Variants in KCNAB1 observed in about 807,000 individuals in gnomAD.
KCNAB1 encodes the protein potassium voltage-gated channel subfamily A regulatory beta subunit 1.
A neutral mutation model predicts 64.6 loss-of-function variants in KCNAB1; 35 were observed. That is an observed-to-expected ratio of 0.54 (90% CI 0.41 to 0.72). The LOEUF (loss-of-function observed/expected upper bound fraction) is 0.72. Among genes scored for constraint, KCNAB1 ranks in the 30% least tolerant of loss-of-function variants. KCNAB1 has a pLI of 0.00. For missense variants in KCNAB1, 401 were observed against 512.9 expected (o/e 0.78, Z 2.11); for synonymous variants, 177 against 183.8 (o/e 0.96, Z 0.30).
At chr3:156,130,230 A>G (rs1449320280) in intron 1 of KCNAB1, among the ~76,000 whole-genome samples, 3 of 152,232 alleles carry the variant, frequency 2.0e-5, no homozygotes, top group Non-Finnish European at 2.9e-5. Context: ...TACCTTCTGC[A>G]CTGGACATGG....
At chr3:156,450,863 A>ACC (rs57598632) in intron 2 of KCNAB1, among the ~76,000 whole-genome samples, 25 of 100,234 alleles carry the variant, frequency 2.5e-4, no homozygotes, top group Non-Finnish European at 4.2e-4. Flanking sequence ...CCATCCACCC[A>ACC]CCCCCCCCCA....
At chr3:156,252,387 C>G (rs1002344914) in intron 1 of KCNAB1, among the ~76,000 whole-genome samples, 1 of 152,146 alleles carries the variant, frequency 6.6e-6, no homozygotes, top group Non-Finnish European at 1.5e-5. Context: ...TTTGATAAAC[C>G]AACACTTTTA....
rs149262296 is a variant in KCNAB1, at chr3:156,128,039, A to G, written c.275+7153A>G. Among the ~76,000 whole-genome samples, 80 of 152,280 alleles carry G rather than the reference A, an allele frequency of 5.3e-4. 1 individual carries two copies. In the East Asian group the frequency reaches 0.015, roughly 28 times the overall value. On this transcript the variant is annotated intron_variant, in intron 1 of 13. Transcript: ENST00000490337. ...TCCTAACTGGACGTTGGTAAATTAG[A>G]TAGAGCATCAGCTCTGGCTCCTCTT...
At chr3:156,180,458 A>G (rs559417200) in intron 1 of KCNAB1, among the ~76,000 whole-genome samples, 2 of 152,320 alleles carry the variant, frequency 1.3e-5, no homozygotes, top group East Asian at 1.9e-4. Flanking sequence ...TTGCCTAACA[A>G]CTTTCTTTTC....
At chr3:156,134,954 A>G (rs532578447) in intron 1 of KCNAB1, among the ~76,000 whole-genome samples, 1 of 152,208 alleles carries the variant, frequency 6.6e-6, no homozygotes, top group East Asian at 1.9e-4. Flanking sequence ...GCAGGATGGT[A>G]TATTTGGGAA....
intron 1 of KCNAB1, among the ~76,000 whole-genome samples, chr3:156,265,311 A>G (rs1247709383): frequency 6.6e-6 from 1 of 152,142 alleles, no homozygotes; most frequent in African/African-American, 2.4e-5. Context: ...TTGCATGTTT[A>G]TAGTTTCCAT....
intron 1 of KCNAB1, among the ~76,000 whole-genome samples, chr3:156,410,710 G>A (rs1286183281): frequency 6.6e-6 from 1 of 152,164 alleles, no homozygotes; most frequent in Non-Finnish European, 1.5e-5. Context: ...AGAATGTCAT[G>A]TAAGTGGAAT....
chr3:156,347,395 C>T (rs1724547689), intron 1 of KCNAB1, among the ~76,000 whole-genome samples: 1 of 152,168 alleles, frequency 6.6e-6, no homozygotes, highest in Non-Finnish European at 1.5e-5. Context: ...GAAAAAGTTA[C>T]CTTTCTGAGC....
intron 1 of KCNAB1, among the ~76,000 whole-genome samples, chr3:156,138,707 A>C (rs1227929991): frequency 6.6e-6 from 1 of 152,226 alleles, no homozygotes; most frequent in East Asian, 1.9e-4. Context: ...ATTACTTTTT[A>C]AGATACACAG....
intron 1 of KCNAB1, among the ~76,000 whole-genome samples, chr3:156,206,940 G>C (rs1297895981): frequency 1.3e-5 from 2 of 152,158 alleles, no homozygotes; most frequent in African/African-American, 4.8e-5. Flanking sequence ...TTTTACCAAG[G>C]AGCCTATCAG....
chr3:156,277,163 G>A (rs977062294), intron 1 of KCNAB1, among the ~76,000 whole-genome samples: 1 of 152,140 alleles, frequency 6.6e-6, no homozygotes, highest in African/African-American at 2.4e-5. Context: ...GGAATAGCTG[G>A]TTGGTAGAGC....
At chr3:156,364,544 C>T (rs7624878) in intron 1 of KCNAB1, among the ~76,000 whole-genome samples, 2,548 of 152,162 alleles carry the variant, frequency 0.017, 70 homozygotes, top group African/African-American at 0.057. Flanking sequence ...TTTGAGAGGC[C>T]GAGGCGGGCG....
chr3:156,367,133 A>AT (rs1725991284), intron 1 of KCNAB1, among the ~76,000 whole-genome samples: 2 of 150,716 alleles, frequency 1.3e-5, no homozygotes, highest in African/African-American at 4.9e-5. Flanking sequence ...GCCGCTAACA[A>AT]TTCACCTCCC....
upstream of KCNAB1, among the ~76,000 whole-genome samples, chr3:156,119,560 T>C (rs982684346): frequency 2.6e-5 from 4 of 152,190 alleles, no homozygotes; most frequent in Non-Finnish European, 5.9e-5. Flanking sequence ...GAAAAATACA[T>C]GCACCTTCCC....
At chr3:156,309,283 A>G (rs1721725926) in intron 1 of KCNAB1, among the ~76,000 whole-genome samples, 1 of 152,214 alleles carries the variant, frequency 6.6e-6, no homozygotes, top group South Asian at 2.1e-4. Context: ...TGATGAACAA[A>G]ACTAATATTG....
At chr3:156,394,697 A>G (rs1713298505) in intron 1 of KCNAB1, among the ~76,000 whole-genome samples, 1 of 152,226 alleles carries the variant, frequency 6.6e-6, no homozygotes, top group Admixed American at 6.5e-5. Flanking sequence ...CCCTCAGCAC[A>G]TGTCCCCAGG....
At chr3:156,260,707 A>G (rs1291181187) in intron 1 of KCNAB1, among the ~76,000 whole-genome samples, 1 of 152,154 alleles carries the variant, frequency 6.6e-6, no homozygotes, top group East Asian at 1.9e-4. Context: ...GTTATTATAA[A>G]TGTTGTTGTG....
At chr3:156,126,525 G>T (rs1174899148) in intron 1 of KCNAB1, among the ~76,000 whole-genome samples, 1 of 152,178 alleles carries the variant, frequency 6.6e-6, no homozygotes, top group Non-Finnish European at 1.5e-5. Flanking sequence ...GAGCCTCTTG[G>T]GTATCAAATG....
At chr3:156,426,094 G>A (rs777873977) in intron 2 of KCNAB1, among the ~76,000 whole-genome samples, 6 of 152,164 alleles carry the variant, frequency 3.9e-5, no homozygotes, top group Non-Finnish European at 8.8e-5. Context: ...AGCTAGGTTT[G>A]ATTATAAGAA....
Sources: allele counts gnomAD v4.1 joint callset (sites outside exome capture counted in the v4.1 genomes callset), GRCh38; gene constraint gnomAD v4.1.1; transcripts MANE v1.5; gene names NCBI Gene and HGNC (gene_info 2026-07-23, HGNC 2026-07-21).